Variants in ARHGEF19 observed in about 807,000 individuals in gnomAD.
ARHGEF19 encodes the protein Rho guanine nucleotide exchange factor 19, also known as Rho guanine nucleotide exchange factor (GEF) 19.
ARHGEF19 carries 92 observed loss-of-function variants against 87.6 expected under a neutral mutation model. That is an observed-to-expected ratio of 1.05 (90% CI 0.89 to 1.25). The LOEUF (loss-of-function observed/expected upper bound fraction) is 1.25. Among genes scored for constraint, ARHGEF19 ranks in the 50% most tolerant of loss-of-function variants. The pLI, the probability that ARHGEF19 is intolerant of heterozygous loss-of-function variation, is 0.00. For synonymous variants in ARHGEF19, 438 were observed against 446.2 expected, an observed-to-expected ratio of 0.98 and a Z score of 0.23; for missense variants, 1,054 against 1,051.8, an observed-to-expected ratio of 1.00 and a Z score of -0.03.
At position 16,205,801 on chromosome 1, in the gene ARHGEF19, T is replaced by G; in HGVS notation, c.1451+130A>C. ...CCCTTTGGGGTTGCATCTCACCTTA[T>G]CCTGGTCACAGAGACCTTTTCAGGG... On this transcript the variant is annotated intron_variant, in intron 8 of 15. Transcript: ENST00000270747. The surrounding 1 kb of genome is among the most constrained non-coding windows in gnomAD (Gnocchi z 5.8). 6.7e-7 allele frequency: 1 copy of G among 1,489,990 alleles called. No homozygotes were observed. Among genetic ancestry groups the G allele is most frequent in the Non-Finnish European group, 9.0e-7 (1 of 1,113,278 alleles). The allele number at this position is 1,489,990 out of a possible 1,614,324, so 92.3% of individuals were successfully genotyped here.
chr1:16,204,714 G>A (rs1403986996), intron 12 of ARHGEF19, 45 bp downstream of exon 12: 2 of 1,520,506 alleles, frequency 1.3e-6, no homozygotes, highest in African/African-American at 1.4e-5. Flanking sequence ...GAGGAAGAGA[G>A]CCTGGCTCCA....
chr1:16,207,262 CG>C lies in ARHGEF19; in HGVS notation c.875-53del, dbSNP rs1213711335. ...CGTGGGGCGCCCGCCAGCCCCTGCC[CG>C]GCTTTTCCTCGGTTCCCTCAAGAGC... On this transcript the variant is annotated intron_variant, in intron 5 of 15. Transcript: ENST00000270747. The surrounding 1 kb of genome is among the most constrained non-coding windows in gnomAD (Gnocchi z 4.0). 7 of 1,464,624 alleles carry C rather than the reference CG, an allele frequency of 4.8e-6. No individual in the cohort carries two copies. Among genetic ancestry groups the C allele is most frequent in the Non-Finnish European group, 6.3e-6 (7 of 1,113,954 alleles). The allele number at this position is 1,464,624 out of a possible 1,614,324, so 90.7% of individuals were successfully genotyped here.
chr1:16,207,584 T>TC lies in ARHGEF19; in HGVS notation c.811dup (p.Glu271GlyfsTer21). On this transcript the variant is annotated frameshift_variant, in exon 5 of 16. Coordinates refer to ENST00000270747, the MANE Select transcript of ARHGEF19 (RefSeq NM_153213.5). LOFTEE classifies it high-confidence loss of function. The surrounding 1 kb of genome is among the most constrained non-coding windows in gnomAD (Gnocchi z 4.0). ...GCTCCTGGACCCCAAAGGCGGCTCTTCCTGTGTGTCTAGCCTAGGAAAGAG... is the reference window on the plus strand; with the variant it reads ...GCTCCTGGACCCCAAAGGCGGCTCTTCCCTGTGTGTCTAGCCTAGGAAAGAG... The TC allele has an allele frequency of 6.2e-7, 1 of 1,613,972 alleles. No homozygotes were observed. The highest frequency in any genetic ancestry group is 2.2e-5 in the East Asian group (1 of 44,856).
rs2081060657 is a variant in ARHGEF19 at position 16,198,821 on chromosome 1, G to T, written c.2252-77C>A. On this transcript the variant is annotated intron_variant, in intron 15 of 15. Transcript: ENST00000270747. The surrounding 1 kb of genome is among the most constrained non-coding windows in gnomAD (Gnocchi z 4.1). ...GCCTGGAAGGGAACACCACAGCCCT[G>T]ATGCAAGCTTTGTCTGCACCCTTGG... 6 of 1,505,544 alleles carry T rather than the reference G, an allele frequency of 4.0e-6. No individual in the cohort carries two copies. Among genetic ancestry groups the T allele is most frequent in the Admixed American group, 4.4e-5 (2 of 45,320 alleles). The allele number at this position is 1,505,544 out of a possible 1,614,324, so 93.3% of individuals were successfully genotyped here.
At position 16,206,650 on chromosome 1, in the gene ARHGEF19, C is replaced by T; in HGVS notation, c.1137+298G>A. Reference sequence around the variant, plus strand: ...TTGTTCCGCGCCCACCAGGCGTTTGCTCTTCCAATGGTTCCGCTCCTCATC... The same window carrying T: ...TTGTTCCGCGCCCACCAGGCGTTTGTTCTTCCAATGGTTCCGCTCCTCATC... On this transcript the variant is annotated intron_variant, in intron 6 of 15. Coordinates refer to ENST00000270747, the MANE Select transcript of ARHGEF19 (RefSeq NM_153213.5). This position sits in a 1 kb window ranked among gnomAD's most constrained non-coding sequence, Gnocchi z 4.6. The T allele has an allele frequency of 2.8e-6, 1 of 360,754 alleles. No homozygotes were observed. The highest frequency in any genetic ancestry group is 2.5e-5 in the South Asian group (1 of 40,790). The allele number at this position is 360,754 out of a possible 1,614,324, so 22.3% of individuals were successfully genotyped here.
Position 16,202,531 on chromosome 1 carries a change from G to T in ARHGEF19, c.1951C>A (p.Leu651Met). Residue 651 changes from leucine to methionine, a missense_variant, in exon 13 of 16, where the codon CTG (leucine) becomes ATG (methionine). Transcript: ENST00000270747. ...TTCAGGCTCAGGTCCCGCACCTGCA[G>T]CTCAGCCATCTTGGCATGGACGAAA... ...AVFVHAKMAE[L>M]QVRDLSLKLQ... The T allele has an allele frequency of 6.2e-7, 1 of 1,614,212 alleles. No homozygotes were observed. The highest frequency in any genetic ancestry group is 8.5e-7 in the Non-Finnish European group (1 of 1,180,030).
chr1:16,206,170 ACTT>A lies in ARHGEF19; in HGVS notation c.1298+7_1298+9del, dbSNP rs777247927. 4.4e-6 allele frequency: 7 copies of A among 1,590,858 alleles called. No homozygotes were observed. Among genetic ancestry groups the A allele is most frequent in the South Asian group, 1.1e-5 (1 of 87,996 alleles). ...TCCCCACCCCGGGCCAGGCCAGACCACTTCTTCACCTCTCGCTGGTGCTCTTGA... is the reference window on the plus strand; with the variant it reads ...TCCCCACCCCGGGCCAGGCCAGACCACTTCACCTCTCGCTGGTGCTCTTGA... On this transcript the variant is annotated splice_region_variant and intron_variant, in intron 7 of 15. Coordinates refer to ENST00000270747, the MANE Select transcript of ARHGEF19 (RefSeq NM_153213.5). This position sits in a 1 kb window ranked among gnomAD's most constrained non-coding sequence, Gnocchi z 4.6.
chr1:16,208,238 G>A lies in ARHGEF19; in HGVS notation c.413-13C>T, dbSNP rs181079442. On this transcript the variant is annotated splice_polypyrimidine_tract_variant and intron_variant, in intron 2 of 15. Transcript: ENST00000270747. ...CGCATCTTGCGCCCTAGGGTTGGGGGCAAGGAGTGAGAGCACGGGCTGGGG... is the reference window on the plus strand; with the variant it reads ...CGCATCTTGCGCCCTAGGGTTGGGGACAAGGAGTGAGAGCACGGGCTGGGG... The A allele has an allele frequency of 1.2e-6, 2 of 1,608,434 alleles. No homozygotes were observed. Among genetic ancestry groups the A allele is most frequent in the Non-Finnish European group, 1.7e-6 (2 of 1,176,640 alleles).
intron 1 of ARHGEF19, among the ~76,000 whole-genome samples, chr1:16,209,902 C>T (rs368958570): frequency 6.6e-6 from 1 of 152,216 alleles, no homozygotes; most frequent in Non-Finnish European, 1.5e-5. Context: ...CAGGCAGGGG[C>T]CTTCTCGAAG....
rs1218068063 is a variant in ARHGEF19, at chr1:16,205,751, G to T, written c.1452-84C>A. ...CCCTGGCCATCCACGGGGTCCTCAGGGGGCTTCTCAGCACATCCTTACTGC... is the reference window on the plus strand; with the variant it reads ...CCCTGGCCATCCACGGGGTCCTCAGTGGGCTTCTCAGCACATCCTTACTGC... On this transcript the variant is annotated intron_variant, in intron 8 of 15. Coordinates refer to ENST00000270747, the MANE Select transcript of ARHGEF19 (RefSeq NM_153213.5). The surrounding 1 kb of genome is among the most constrained non-coding windows in gnomAD (Gnocchi z 5.8). 1 of 1,517,394 alleles carries T rather than the reference G, an allele frequency of 6.6e-7. No homozygotes were observed. The highest frequency in any genetic ancestry group is 2.4e-5 in the East Asian group (1 of 40,906). The allele number at this position is 1,517,394 out of a possible 1,614,324, so 94.0% of individuals were successfully genotyped here. A position where few individuals can be genotyped will look rare whatever the true frequency, so the allele number is the denominator to read the frequency against.
chr1:16,205,197 T>C lies in ARHGEF19; in HGVS notation c.1657-21A>G. 1.3e-6 allele frequency: 2 copies of C among 1,592,312 alleles called. No homozygotes were observed. The highest frequency in any genetic ancestry group is 1.7e-6 in the Non-Finnish European group (2 of 1,169,264). On this transcript the variant is annotated intron_variant, in intron 10 of 15. Transcript: ENST00000270747. The surrounding 1 kb of genome is among the most constrained non-coding windows in gnomAD (Gnocchi z 5.8). ...ACCAGCTGGGGGAGCCGTGGGGAGG[T>C]CACCTGCAGCCCCTCAGCTCCGGCT...
Position 16,205,662 on chromosome 1 carries a change from T to C in ARHGEF19, c.1457A>G (p.Glu486Gly), listed in dbSNP as rs1569708212. 2 of 1,607,500 alleles carry C rather than the reference T, an allele frequency of 1.2e-6. No individual in the cohort carries two copies. The highest frequency in any genetic ancestry group is 1.7e-6 in the Non-Finnish European group (2 of 1,177,662). ...CAGGATGCCAGGGAACCTGGGGTTC[T>C]CCAGGCTGGAAAATGGGGAGGACTC... ...QERTYQRLLLENPRFPGILAR... is the reference protein window; with the variant it reads ...QERTYQRLLLGNPRFPGILAR... Residue 486 changes from glutamate (E) to glycine (G), a missense_variant, in exon 9 of 16, where the codon GAG becomes GGG. By Grantham distance (98) the Glu-to-Gly change is moderately conservative. Coordinates refer to ENST00000270747, the MANE Select transcript of ARHGEF19 (RefSeq NM_153213.5). This position sits in a 1 kb window ranked among gnomAD's most constrained non-coding sequence, Gnocchi z 5.8.
At position 16,198,839 on chromosome 1, in the gene ARHGEF19, A is replaced by C; in HGVS notation, c.2252-95T>G. On this transcript the variant is annotated intron_variant, in intron 15 of 15. Coordinates refer to ENST00000270747, the MANE Select transcript of ARHGEF19 (RefSeq NM_153213.5). The surrounding 1 kb of genome is among the most constrained non-coding windows in gnomAD (Gnocchi z 4.1). ...CAGCCCTGATGCAAGCTTTGTCTGC[A>C]CCCTTGGGGCCAAGGTGACATCATC... The C allele has an allele frequency of 6.9e-7, 1 of 1,453,280 alleles. No individual in the cohort carries two copies. The allele number at this position is 1,453,280 out of a possible 1,614,324, so 90.0% of individuals were successfully genotyped here.
Position 16,206,084 on chromosome 1 carries a change from C to T in ARHGEF19, c.1299-1G>A. 1 of 1,578,664 alleles carries T rather than the reference C, an allele frequency of 6.3e-7. No individual in the cohort carries two copies. Among genetic ancestry groups the T allele is most frequent in the Non-Finnish European group, 8.6e-7 (1 of 1,161,820 alleles). Reference sequence around the variant, plus strand: ...CCGCTGCTCCAGGTCCTGCAGGAACCTGAGGAGTCAGAGCCAGGATGGAGA... The same window carrying T: ...CCGCTGCTCCAGGTCCTGCAGGAACTTGAGGAGTCAGAGCCAGGATGGAGA... On this transcript the variant is annotated splice_acceptor_variant, in intron 7 of 15. Transcript: ENST00000270747. LOFTEE classifies it high-confidence loss of function. This position sits in a 1 kb window ranked among gnomAD's most constrained non-coding sequence, Gnocchi z 4.6.
rs769202829 is a variant in ARHGEF19, at chr1:16,198,780, G to A, written c.2252-36C>T. On this transcript the variant is annotated intron_variant, in intron 15 of 15. Coordinates refer to ENST00000270747, the MANE Select transcript of ARHGEF19 (RefSeq NM_153213.5). This position sits in a 1 kb window ranked among gnomAD's most constrained non-coding sequence, Gnocchi z 4.1. ...ATAGGCCAAGAACAACAGCATCAAAGGGGTACCAGGGCCAGGCCTGGAAGG... is the reference window on the plus strand; with the variant it reads ...ATAGGCCAAGAACAACAGCATCAAAAGGGTACCAGGGCCAGGCCTGGAAGG... The A allele has an allele frequency of 3.1e-5, 49 of 1,558,576 alleles. No homozygotes were observed. Among genetic ancestry groups the A allele is most frequent in the Non-Finnish European group, 3.8e-5 (44 of 1,149,500 alleles).
chr1:16,202,103 C>T (rs2081088303), intron 13 of ARHGEF19, among the ~76,000 whole-genome samples: 1 of 152,168 alleles, frequency 6.6e-6, no homozygotes. Flanking sequence ...TACCCCCATC[C>T]TGCCTAATGC....
In ARHGEF19 at chr1:16,205,305, AG is replaced by A. The variant is rs747805450; in HGVS notation, c.1656+45del. 41 of 1,611,906 alleles carry A rather than the reference AG, an allele frequency of 2.5e-5. No individual in the cohort carries two copies. In the African/African-American group the frequency reaches 3.9e-4, roughly 15 times the overall value. On this transcript the variant is annotated intron_variant, in intron 10 of 15. Coordinates refer to ENST00000270747, the MANE Select transcript of ARHGEF19 (RefSeq NM_153213.5). The surrounding 1 kb of genome is among the most constrained non-coding windows in gnomAD (Gnocchi z 5.8). ...TGTTTTAGAGACGTGCTGGGGGTCC[AG>A]GGGGGGCCTCAGGAGCCAAGCAGCC...
intron 2 of ARHGEF19, 137 bp from the exon 3 acceptor site, chr1:16,208,362 C>T: frequency 8.3e-7 from 1 of 1,207,712 alleles, no homozygotes; most frequent in Non-Finnish European, 1.1e-6. Flanking sequence ...CTGCTAGCAT[C>T]TGGTCCCCAG....
At position 16,206,128 on chromosome 1, in the gene ARHGEF19, G is replaced by A. The variant is rs1459479942; in HGVS notation, c.1299-45C>T. On this transcript the variant is annotated intron_variant, in intron 7 of 15. Transcript: ENST00000270747. This position sits in a 1 kb window ranked among gnomAD's most constrained non-coding sequence, Gnocchi z 4.6. ...ATGGAGACCCCAGATCTGGGAGCTG[G>A]CCAACCACTGGCTCCGTCCCCACCC... The A allele has an allele frequency of 3.8e-6, 6 of 1,575,904 alleles. No homozygotes were observed. Among genetic ancestry groups the A allele is most frequent in the Admixed American group, 1.8e-5 (1 of 54,224 alleles).
Sources: gnomAD v4.1 joint callset for allele counts (sites outside exome capture counted in the v4.1 genomes callset) on GRCh38, gnomAD v4.1.1 for gene constraint, Gnocchi (gnomAD v3.1) non-coding constraint, MANE v1.5 for transcripts, NCBI Gene and HGNC (gene_info 2026-07-23, HGNC 2026-07-21) for gene names.